RAB3C: variants seen among roughly 807,000 people sequenced by gnomAD.
The protein encoded by RAB3C is ras-related protein Rab-3C.
A neutral mutation model predicts 26.4 loss-of-function variants in RAB3C; 17 were observed. The observed-to-expected ratio is 0.64, with a 90% CI of 0.44 to 0.97. The LOEUF is 0.97. RAB3C is among the 50% of genes least tolerant of loss of function. RAB3C has a pLI of 0.00. For missense variants in RAB3C, 242 were observed against 281.9 expected, an observed-to-expected ratio of 0.86 and a Z score of 1.01; for synonymous variants, 91 against 95.9, an observed-to-expected ratio of 0.95 and a Z score of 0.30.
chr5:58,697,814 C>T (rs528160699), intron 2 of RAB3C, among the ~76,000 whole-genome samples: 3 of 152,106 alleles, frequency 2.0e-5, no homozygotes, highest in South Asian at 4.2e-4. Context: ...AGCCTATGTG[C>T]GTCTTTGCAC....
chr5:58,755,903 C>T (rs1741645524), intron 3 of RAB3C, among the ~76,000 whole-genome samples: 1 of 152,204 alleles, frequency 6.6e-6, no homozygotes, highest in African/African-American at 2.4e-5. Flanking sequence ...ATTAACATCA[C>T]ATTCTTAAAC....
chr5:58,656,340 A>G (rs1747772142), intron 2 of RAB3C, among the ~76,000 whole-genome samples: 1 of 152,276 alleles, frequency 6.6e-6, no homozygotes, highest in South Asian at 2.1e-4. Flanking sequence ...TTTGTATTTG[A>G]CAGTTGCTAA....
intron 2 of RAB3C, among the ~76,000 whole-genome samples, chr5:58,635,065 T>G (rs1020099506): frequency 2.6e-5 from 4 of 152,184 alleles, no homozygotes; most frequent in Admixed American, 1.3e-4. Context: ...ATGTTTGATG[T>G]AAAAACACTC....
At chr5:58,804,530 G>A (rs909477368) in intron 3 of RAB3C, among the ~76,000 whole-genome samples, 1 of 152,160 alleles carries the variant, frequency 6.6e-6, no homozygotes, top group Non-Finnish European at 1.5e-5. Flanking sequence ...AGAGGCTTTT[G>A]TCTTATTTAG....
chr5:58,675,436 C>G (rs967427808), intron 2 of RAB3C, among the ~76,000 whole-genome samples: 1 of 151,972 alleles, frequency 6.6e-6, no homozygotes. Flanking sequence ...TTTAAGTTTT[C>G]TGTTTCTTTC....
At chr5:58,841,085 T>G (rs1469373388) in intron 4 of RAB3C, among the ~76,000 whole-genome samples, 2 of 152,180 alleles carry the variant, frequency 1.3e-5, no homozygotes, top group Admixed American at 1.3e-4. Flanking sequence ...GACCATTGGG[T>G]AGGCCACAGC....
chr5:58,655,987 C>T (rs1747763515), intron 2 of RAB3C, among the ~76,000 whole-genome samples: 1 of 151,722 alleles, frequency 6.6e-6, no homozygotes, highest in Non-Finnish European at 1.5e-5. Context: ...TTAGTAGAGA[C>T]GGGGTTTCAC....
intron 3 of RAB3C, chr5:58,822,859 G>C: frequency 3.1e-6 from 2 of 638,504 alleles, no homozygotes; most frequent in Non-Finnish European, 5.9e-6. Flanking sequence ...GCATGGACAG[G>C]ATCTATGAAG....
chr5:58,855,361 T>G lies in RAB3C; in HGVS notation c.*4010T>G, dbSNP rs1439899684. The stretch of plus-strand genomic sequence containing the variant: ...TAGTACTACTGGAATGCTCAATCAG[T>G]TATTTTTGGTGTGGCATACTTCAGA... On this transcript the variant is annotated 3_prime_UTR_variant, in exon 5 of 5. Coordinates refer to ENST00000282878, the MANE Select transcript of RAB3C (RefSeq NM_138453.4). 2 of 152,210 alleles carry G rather than the reference T, an allele frequency of 1.3e-5. No individual in the cohort carries two copies. The highest frequency in any genetic ancestry group is 4.8e-5 in the African/African-American group (2 of 41,450). 9.4% of individuals were successfully genotyped at this position (152,210 alleles called of 1,614,324 possible). A position where few individuals can be genotyped will look rare whatever the true frequency, so the allele number is the denominator to read the frequency against.
chr5:58,797,857 C>T (rs1470293774), intron 3 of RAB3C, among the ~76,000 whole-genome samples: 1 of 152,108 alleles, frequency 6.6e-6, no homozygotes, highest in Non-Finnish European at 1.5e-5. Flanking sequence ...AATTTGTGCT[C>T]GACTACAACA....
chr5:58,729,521 G>GGCTTAA (rs1259170716), intron 3 of RAB3C, among the ~76,000 whole-genome samples: 2 of 151,446 alleles, frequency 1.3e-5, no homozygotes, highest in Non-Finnish European at 2.9e-5. Flanking sequence ...TTTAGTGACT[G>GGCTTAA]GCTTATTTTA....
chr5:58,816,994 C>T (rs1342543040), intron 3 of RAB3C: 1 of 152,208 alleles, frequency 6.6e-6, no homozygotes, highest in African/African-American at 2.4e-5. Context: ...CTGGGATGGG[C>T]TCTTCCCAAG....
At chr5:58,783,706 C>T (rs1260026816) in intron 3 of RAB3C, among the ~76,000 whole-genome samples, 3 of 152,162 alleles carry the variant, frequency 2.0e-5, no homozygotes, top group Non-Finnish European at 4.4e-5. Context: ...CAGTTTTGGG[C>T]ACATGGCCAG....
At position 58,634,496 on chromosome 5, in the gene RAB3C, T is replaced by A. The variant is rs188885350; in HGVS notation, c.252+16626T>A. The stretch of plus-strand genomic sequence containing the variant: ...GAATATCTCCCTTATAGTATGGTTA[T>A]GAGGAATAATCAGGATAAAACATGC... On this transcript the variant is annotated intron_variant, in intron 2 of 4. Coordinates refer to ENST00000282878, the MANE Select transcript of RAB3C (RefSeq NM_138453.4). Among the ~76,000 whole-genome samples, 194 of 152,310 alleles carry A rather than the reference T, an allele frequency of 1.3e-3. 2 individuals are homozygous for A. Among genetic ancestry groups the A allele is most frequent in the Non-Finnish European group, 6.6e-4 (45 of 68,040 alleles).
intron 4 of RAB3C, among the ~76,000 whole-genome samples, chr5:58,837,250 C>T (rs774580620): frequency 6.8e-6 from 1 of 148,018 alleles, no homozygotes; most frequent in African/African-American, 2.5e-5. Context: ...GGTGTGATAT[C>T]GGCTCACTGC....
intron 2 of RAB3C, among the ~76,000 whole-genome samples, chr5:58,636,583 A>G (rs999671418): frequency 3.9e-5 from 6 of 152,270 alleles, no homozygotes; most frequent in African/African-American, 7.2e-5. Context: ...TTTTATATCC[A>G]CCAAATGCTT....
intron 3 of RAB3C, among the ~76,000 whole-genome samples, chr5:58,736,153 T>C (rs1483858839): frequency 6.6e-6 from 1 of 152,200 alleles, no homozygotes; most frequent in Admixed American, 6.6e-5. Context: ...TTCCTGCAGC[T>C]CCTGCAGCAT....
chr5:58,710,172 A>G (rs1350115631), intron 2 of RAB3C, among the ~76,000 whole-genome samples: 1 of 152,190 alleles, frequency 6.6e-6, no homozygotes, highest in Non-Finnish European at 1.5e-5. Context: ...TGAATGTACT[A>G]TCATCCCACT....
In RAB3C at chr5:58,855,237, T is replaced by A. The variant is rs1186290365; in HGVS notation, c.*3886T>A. The A allele has an allele frequency of 6.6e-6, 1 of 152,208 alleles. No homozygotes were observed. The highest frequency in any genetic ancestry group is 1.5e-5 in the Non-Finnish European group (1 of 68,036). 9.4% of individuals were successfully genotyped at this position (152,208 alleles called of 1,614,324 possible). On this transcript the variant is annotated 3_prime_UTR_variant, in exon 5 of 5. Coordinates refer to ENST00000282878, the MANE Select transcript of RAB3C (RefSeq NM_138453.4). Reference sequence around the variant, plus strand: ...ATACCAAGCTGAGGTAGGTAACACCTGCATGTGAAAAACTGTGATATGAAT... The same window carrying A: ...ATACCAAGCTGAGGTAGGTAACACCAGCATGTGAAAAACTGTGATATGAAT...
Sources: gnomAD v4.1 joint callset for allele counts (sites outside exome capture counted in the v4.1 genomes callset) on GRCh38, gnomAD v4.1.1 for gene constraint, MANE v1.5 for transcripts, NCBI Gene and HGNC (gene_info 2026-07-23, HGNC 2026-07-21) for gene names.